Variants in CPNE3 observed in about 807,000 individuals in gnomAD.
CPNE3 encodes the protein copine 3, also known as copine-3.
In CPNE3, 68 loss-of-function variants were observed where a neutral mutation model predicts 63.9. That is an observed-to-expected ratio of 1.06 (90% confidence interval 0.87 to 1.30). The LOEUF (loss-of-function observed/expected upper bound fraction) is 1.30, where lower values mean the gene tolerates loss of function less well. Ranked by LOEUF, CPNE3 falls within the 50% of genes most tolerant of loss-of-function variation. CPNE3 has a pLI of 0.00. For synonymous variants in CPNE3, 219 were observed against 197.5 expected, an observed-to-expected ratio of 1.11 and a Z score of -0.91; for missense variants, 665 against 578.1, an observed-to-expected ratio of 1.15 and a Z score of -1.54.
intron 6 of CPNE3, among the ~76,000 whole-genome samples, chr8:86,535,785 G>C (rs1820789936): frequency 6.6e-6 from 1 of 152,010 alleles, no homozygotes; most frequent in Admixed American, 6.5e-5. Flanking sequence ...AACGTTAATA[G>C]TTTTAGAATA....
chr8:86,524,232 G>A (rs1002062500), intron 2 of CPNE3, among the ~76,000 whole-genome samples: 1 of 152,150 alleles, frequency 6.6e-6, no homozygotes, highest in Non-Finnish European at 1.5e-5. Flanking sequence ...GTTTAAGGAG[G>A]AATGGGAAAA....
At chr8:86,552,082 A>C (rs906536415) in intron 14 of CPNE3, among the ~76,000 whole-genome samples, 7 of 152,226 alleles carry the variant, frequency 4.6e-5, no homozygotes, top group African/African-American at 1.4e-4. Flanking sequence ...CAGACTAAAG[A>C]GTTTGGAGAA....
chr8:86,556,165 G>T lies in CPNE3; in HGVS notation c.1318G>T (p.Ala440Ser), dbSNP rs752172198. ...VITDLDETRQ[A>S]IVNASRLPMS... ...CACAGACCTTGATGAAACCAGACAA[G>T]CTATAGTTAATGCCTCCAGGCTGCC... The change falls in exon 16 of 17, where the codon GCT (alanine) becomes TCT (serine). Residue 440 changes from alanine to serine, a missense_variant. Coordinates refer to ENST00000517490, the MANE Select transcript of CPNE3 (RefSeq NM_003909.5). 4.6e-6 allele frequency: 4 copies of T among 873,010 alleles called. No homozygotes were observed. The highest frequency in any genetic ancestry group is 2.0e-6 in the Non-Finnish European group (1 of 501,690). The allele number at this position is 873,010 out of a possible 1,614,324, so 54.1% of individuals were successfully genotyped here. A position where few individuals can be genotyped will look rare whatever the true frequency, so the allele number is the denominator to read the frequency against.
chr8:86,531,015 C>CT (rs1188682733), intron 4 of CPNE3, 140 bp from the exon 5 acceptor site: 7 of 612,550 alleles, frequency 1.1e-5, no homozygotes, highest in Non-Finnish European at 1.5e-5. Context: ...TGATCTAAAT[C>CT]TTTAAGAAAC....
At chr8:86,548,561 C>A in intron 12 of CPNE3, 127 bp downstream of exon 12, 1 of 1,153,384 alleles carries the variant, frequency 8.7e-7, no homozygotes, top group East Asian at 2.5e-5. Flanking sequence ...AAAATCCCCC[C>A]GTCTTATCTT....
intron 14 of CPNE3, chr8:86,554,107 A>G (rs1287982319): frequency 1.3e-5 from 2 of 152,286 alleles, no homozygotes; most frequent in Non-Finnish European, 2.9e-5. Context: ...CTCCTACGGC[A>G]GAGGAAAGGA....
At chr8:86,554,689 G>A (rs1026399025) in intron 14 of CPNE3, among the ~76,000 whole-genome samples, 162 bp from the exon 15 acceptor site, 1 of 152,184 alleles carries the variant, frequency 6.6e-6, no homozygotes, top group African/African-American at 2.4e-5. Context: ...CATACCTATG[G>A]AGTTATGTAA....
chr8:86,551,030 A>C lies in CPNE3; in HGVS notation c.1014-16A>C. ...TGGAAAAAACAGTATTTTATTAAAT[A>C]TTTTTTTCTTTTTAGTGATAAGATG... On this transcript the variant is annotated splice_polypyrimidine_tract_variant and intron_variant, in intron 12 of 16. Coordinates refer to ENST00000517490, the MANE Select transcript of CPNE3 (RefSeq NM_003909.5). The C allele has an allele frequency of 1.3e-6, 2 of 1,550,268 alleles. No individual in the cohort carries two copies. Among genetic ancestry groups the C allele is most frequent in the Non-Finnish European group, 1.7e-6 (2 of 1,148,816 alleles).
chr8:86,546,772 T>G, intron 10 of CPNE3, 91 bp downstream of exon 10: 1 of 1,378,804 alleles, frequency 7.3e-7, no homozygotes, highest in Non-Finnish European at 9.7e-7. Context: ...AGCGCAGTGG[T>G]GTGATCTCGG....
At chr8:86,555,026 G>A in intron 15 of CPNE3, 42 bp downstream of exon 15, 1 of 1,610,752 alleles carries the variant, frequency 6.2e-7, no homozygotes, top group African/African-American at 1.3e-5. Context: ...ATGTGGATTG[G>A]TAGCAGCTCC....
intron 2 of CPNE3, among the ~76,000 whole-genome samples, chr8:86,522,704 G>A (rs530758181): frequency 3.3e-5 from 5 of 151,966 alleles, no homozygotes; most frequent in South Asian, 2.1e-4. Context: ...TTTCAATAGC[G>A]GTCAGGCAGG....
chr8:86,547,344 A>C (rs1821074752), intron 10 of CPNE3: 1 of 184,522 alleles, frequency 5.4e-6, no homozygotes, highest in Non-Finnish European at 1.1e-5. Context: ...TAAAGGGGAA[A>C]AGCCAAGATT....
intron 4 of CPNE3, among the ~76,000 whole-genome samples, chr8:86,529,389 C>T (rs1016100777): frequency 9.9e-5 from 15 of 152,102 alleles, no homozygotes; most frequent in African/African-American, 2.4e-4. Flanking sequence ...GTAATACCTC[C>T]GCTTTAGCTG....
intron 16 of CPNE3, among the ~76,000 whole-genome samples, chr8:86,557,513 C>T (rs114465948): frequency 4.9e-4 from 75 of 152,240 alleles, no homozygotes; most frequent in Middle Eastern, 3.4e-3. Flanking sequence ...CTGGGTTATA[C>T]GGTAGTTGCA....
chr8:86,548,285 A>G lies in CPNE3; in HGVS notation c.880-16A>G. 1 of 1,613,560 alleles carries G rather than the reference A, an allele frequency of 6.2e-7. No homozygotes were observed. The highest frequency in any genetic ancestry group is 8.5e-7 in the Non-Finnish European group (1 of 1,179,890). ...CTGCCTTCTCCTTACTAAGGGCTGC[A>G]ATTGTTATTTGGCAGGTGGGAGTGG... is the stretch of plus-strand genomic sequence containing the variant. On this transcript the variant is annotated splice_polypyrimidine_tract_variant and intron_variant, in intron 11 of 16. Coordinates refer to ENST00000517490, the MANE Select transcript of CPNE3 (RefSeq NM_003909.5).
intron 14 of CPNE3, among the ~76,000 whole-genome samples, chr8:86,552,960 C>CCA (rs1563700494): frequency 8.4e-5 from 1 of 11,960 alleles, no homozygotes; most frequent in Non-Finnish European, 7.8e-4. Context: ...CTGCCACAGC[C>CCA]CGCCCCCCCC....
chr8:86,541,161 A>G (rs971866401), intron 8 of CPNE3, among the ~76,000 whole-genome samples: 3 of 152,182 alleles, frequency 2.0e-5, no homozygotes, highest in Non-Finnish European at 4.4e-5. Flanking sequence ...AGTAAGTATA[A>G]GATTTGGAGT....
intron 2 of CPNE3, among the ~76,000 whole-genome samples, chr8:86,523,434 C>T (rs1204182506): frequency 3.3e-5 from 5 of 152,068 alleles, no homozygotes; most frequent in African/African-American, 9.7e-5. Flanking sequence ...AAAATATGTT[C>T]GCTGCCCACA....
At chr8:86,525,430 T>C (rs1206114193) in intron 2 of CPNE3, among the ~76,000 whole-genome samples, 1 of 152,226 alleles carries the variant, frequency 6.6e-6, no homozygotes, top group African/African-American at 2.4e-5. Flanking sequence ...AGTGTTTATG[T>C]AATTTCTTCC....
Sources: allele counts gnomAD v4.1 joint callset (sites outside exome capture counted in the v4.1 genomes callset), GRCh38; gene constraint gnomAD v4.1.1; transcripts MANE v1.5; gene names NCBI Gene and HGNC (gene_info 2026-07-23, HGNC 2026-07-21).